The following DIPK1A variants were observed in gnomAD, a reference collection of about 807,000 sequenced individuals.
DIPK1A encodes divergent protein kinase domain 1A, also known as family with sequence similarity 69 member A.
Under a neutral mutation model 40.8 loss-of-function variants are expected in DIPK1A, and 27 were observed. The observed-to-expected ratio is 0.66, with a 90% confidence interval of 0.49 to 0.91. The LOEUF (loss-of-function observed/expected upper bound fraction) is 0.91, where lower values mean the gene tolerates loss of function less well. Among genes scored for constraint, DIPK1A ranks in the 40% least tolerant of loss-of-function variants. The pLI, the probability that DIPK1A is intolerant of heterozygous loss-of-function variation, is 0.00. For missense variants in DIPK1A, 412 were observed against 505.7 expected, an observed-to-expected ratio of 0.81 and a Z score of 1.78; for synonymous variants, 166 against 171.3, an observed-to-expected ratio of 0.97 and a Z score of 0.24.
downstream of DIPK1A, chr1:92,840,797 G>A (rs777955435): frequency 2.7e-6 from 2 of 739,508 alleles, no homozygotes; most frequent in South Asian, 1.4e-5. Context: ...TGTGGTGATG[G>A]AAATGTGTTA....
intron 1 of DIPK1A, among the ~76,000 whole-genome samples, chr1:92,944,648 T>G (rs1398335818): frequency 6.6e-6 from 1 of 152,192 alleles, no homozygotes; most frequent in Non-Finnish European, 1.5e-5. Flanking sequence ...GTTTTGTTTT[T>G]CTGAGACAAG....
At chr1:92,847,736 G>T (rs568754722) in intron 3 of DIPK1A, among the ~76,000 whole-genome samples, 44 of 152,078 alleles carry the variant, frequency 2.9e-4, no homozygotes, top group Non-Finnish European at 5.4e-4. Flanking sequence ...ATGTCCTATG[G>T]TCTACTAATT....
intron 4 of DIPK1A, chr1:92,836,181 C>T: frequency 6.2e-7 from 1 of 1,611,228 alleles, no homozygotes. Context: ...ACATTGGTTT[C>T]TTGAATAGCT....
At chr1:92,840,944 C>T (rs1687340594), downstream of DIPK1A, 2 of 478,786 alleles carry the variant, frequency 4.2e-6, no homozygotes, top group Non-Finnish European at 8.0e-6. Context: ...GAAAGTAATA[C>T]TTAATGAACA....
At chr1:92,894,709 C>A (rs186003604) in intron 1 of DIPK1A, among the ~76,000 whole-genome samples, 2 of 152,188 alleles carry the variant, frequency 1.3e-5, no homozygotes, top group Admixed American at 1.3e-4. Flanking sequence ...TTCAATGAAT[C>A]CAGGAGCTGG....
At chr1:92,913,500 C>T (rs1037833611) in intron 1 of DIPK1A, among the ~76,000 whole-genome samples, 2 of 152,150 alleles carry the variant, frequency 1.3e-5, no homozygotes, top group African/African-American at 4.8e-5. Context: ...TTTGTCTTTC[C>T]TATTATTGGC....
At chr1:92,851,381 T>C (rs991623477) in intron 2 of DIPK1A, among the ~76,000 whole-genome samples, 2 of 150,922 alleles carry the variant, frequency 1.3e-5, no homozygotes, top group African/African-American at 4.9e-5. Context: ...CCATCTCTAC[T>C]AAAATAAAAA....
Position 92,843,868 on chromosome 1 carries a change from T to C in DIPK1A, c.802A>G (p.Lys268Glu). ...DQLFTPSWPR[K>E]AKIAIGLLEF... ...AGAAGTCCTATGGCTATTTTGGCCT[T>C]TCTTGGCCATGATGGTGTGAACAGC... Residue 268 changes from lysine (K) to glutamate (E), a missense_variant, in exon 5 of 5, where the codon AAG (lysine) becomes GAG (glutamate). Transcript: ENST00000370310. 1 of 1,551,786 alleles carries C rather than the reference T, an allele frequency of 6.4e-7. No homozygotes were observed. Among genetic ancestry groups the C allele is most frequent in the Non-Finnish European group, 8.7e-7 (1 of 1,147,010 alleles).
chr1:92,850,795 G>A, intron 3 of DIPK1A, 53 bp downstream of exon 3: 1 of 1,104,014 alleles, frequency 9.1e-7, no homozygotes, highest in Non-Finnish European at 1.3e-6. Context: ...TTTAATTTCT[G>A]GTAAAATTAG....
chr1:92,841,123 G>C (rs140598365), downstream of DIPK1A, among the ~76,000 whole-genome samples: 383 of 152,214 alleles, frequency 2.5e-3, 8 homozygotes, highest in East Asian at 0.025. Flanking sequence ...CTGTGCAATA[G>C]AACTAAAAAC....
intron 1 of DIPK1A, among the ~76,000 whole-genome samples, chr1:92,940,413 T>G (rs1651106894): frequency 6.6e-6 from 1 of 152,246 alleles, no homozygotes; most frequent in Admixed American, 6.5e-5. Context: ...CTTCTTTTTC[T>G]TACTCTTACT....
chr1:92,935,764 A>G (rs576988312), intron 1 of DIPK1A, among the ~76,000 whole-genome samples: 19 of 152,188 alleles, frequency 1.2e-4, no homozygotes, highest in Non-Finnish European at 2.6e-4. Context: ...TCACTATTCT[A>G]TAACTAACTA....
intron 1 of DIPK1A, among the ~76,000 whole-genome samples, chr1:92,958,922 T>C (rs1164426067): frequency 2.6e-5 from 4 of 152,220 alleles, no homozygotes. Flanking sequence ...TCTGAAAATA[T>C]CTTTATCTAT....
chr1:92,924,872 A>G (rs1650427714), intron 1 of DIPK1A, among the ~76,000 whole-genome samples: 1 of 152,212 alleles, frequency 6.6e-6, no homozygotes, highest in Non-Finnish European at 1.5e-5. Flanking sequence ...GGCTCCCTGC[A>G]CTTGCCTTGT....
chr1:92,859,692 C>G (rs1688104604), intron 2 of DIPK1A, among the ~76,000 whole-genome samples: 1 of 152,204 alleles, frequency 6.6e-6, no homozygotes, highest in Middle Eastern at 3.4e-3. Context: ...GGAAATCTGG[C>G]TTTTATTGGT....
At chr1:92,846,813 A>ATATGTGTGTGTG (rs1553123758) in intron 4 of DIPK1A, among the ~76,000 whole-genome samples, 1 of 3,650 alleles carries the variant, frequency 2.7e-4, no homozygotes, top group East Asian at 9.1e-3. Context: ...ATATATATAT[A>ATATGTGTGTGTG]TATATATATA....
At position 92,875,231 on chromosome 1, in the gene DIPK1A, G is replaced by C. The variant is rs1337843455; in HGVS notation, c.189+1065C>G. ...ACTGTAATTACTCATTTTCTTTCCT[G>C]ATCCACTGTAAGTTTTATAAGGTCA... On this transcript the variant is annotated intron_variant, in intron 2 of 4. Coordinates refer to ENST00000370310, the MANE Select transcript of DIPK1A (RefSeq NM_001006605.5). 2.0e-5 allele frequency among the ~76,000 whole-genome samples: 3 copies of C among 152,026 alleles called. No homozygotes were observed. In the East Asian group the frequency reaches 5.8e-4, roughly 29 times the overall value.
At chr1:92,841,704 A>AAATTTAATTAAAATTT, downstream of DIPK1A, 2 of 1,030,066 alleles carry the variant, frequency 1.9e-6, no homozygotes, top group Middle Eastern at 3.3e-4. Flanking sequence ...TTAAAATTTT[A>AAATTTAATTAAAATTT]AATTAAATAT....
At chr1:92,923,288 A>G (rs538687803) in intron 1 of DIPK1A, among the ~76,000 whole-genome samples, 43 of 152,074 alleles carry the variant, frequency 2.8e-4, no homozygotes, top group Admixed American at 2.3e-3. Context: ...ATAGGCGCCC[A>G]CCACCACGCC....
Sources: allele counts gnomAD v4.1 joint callset (sites outside exome capture counted in the v4.1 genomes callset), GRCh38; gene constraint gnomAD v4.1.1; transcripts MANE v1.5; gene names NCBI Gene and HGNC (gene_info 2026-07-23, HGNC 2026-07-21).